Variants in ABHD2 observed in about 807,000 individuals in gnomAD.
The protein encoded by ABHD2 is abhydrolase domain containing 2, acylglycerol lipase.
In ABHD2, 20 loss-of-function variants were observed where a neutral mutation model predicts 48.1. The ratio of observed to expected loss-of-function variants is 0.42; its 90% CI spans 0.29 to 0.60. The LOEUF (loss-of-function observed/expected upper bound fraction) is 0.60. Ranked by LOEUF, ABHD2 falls within the 20% of genes least tolerant of loss-of-function variation. The pLI is 0.24. For missense variants in ABHD2, 405 were observed against 550.9 expected (o/e 0.74, Z 2.65); for synonymous variants, 209 against 214.2 (o/e 0.98, Z 0.21).
the ABHD2 span, among the ~76,000 whole-genome samples, chr15:89,043,617 G>T: frequency 1.6e-3 from 216 of 138,608 alleles, 1 homozygote; most frequent in African/African-American, 5.6e-3. Context: ...GAGGAGACGA[G>T]GAGGCGGAAG....
chr15:89,047,458 C>A, the ABHD2 span, among the ~76,000 whole-genome samples: 1 of 151,338 alleles, frequency 6.6e-6, no homozygotes, highest in Non-Finnish European at 1.5e-5. Flanking sequence ...TCCTTGTTGA[C>A]TTTCTGTCTC....
At chr15:89,125,530 C>G (rs1298955279) in intron 3 of ABHD2, among the ~76,000 whole-genome samples, 1 of 152,082 alleles carries the variant, frequency 6.6e-6, no homozygotes, top group Non-Finnish European at 1.5e-5. Context: ...GTGAAATAGC[C>G]CAAACCAAAA....
intron 3 of ABHD2, among the ~76,000 whole-genome samples, chr15:89,140,557 A>C (rs2050385951): frequency 6.6e-6 from 1 of 152,158 alleles, no homozygotes. Flanking sequence ...ATGCAAATTC[A>C]ACTCTACAGA....
chr15:89,155,144 G>A lies in ABHD2; in HGVS notation c.371-223G>A, dbSNP rs2050651189. 6.6e-6 allele frequency among the ~76,000 whole-genome samples: 1 copy of A among 152,080 alleles called. No homozygotes were observed. Among genetic ancestry groups the A allele is most frequent in the South Asian group, 2.1e-4 (1 of 4,824 alleles). On this transcript the variant is annotated intron_variant, in intron 4 of 10. Transcript: ENST00000352732. This position sits in a 1 kb window ranked among gnomAD's most constrained non-coding sequence, Gnocchi z 4.9. ...TGTCTTTTCAAAAGTATCTGTTCAT[G>A]ACTTACTGGACATTTTCAAAACAAA...
intron 3 of ABHD2, among the ~76,000 whole-genome samples, chr15:89,139,626 C>G (rs1395273095): frequency 1.3e-5 from 2 of 152,140 alleles, no homozygotes; most frequent in Non-Finnish European, 2.9e-5. Context: ...GCCCCAGGTG[C>G]CAGCAGCACA....
the ABHD2 span, among the ~76,000 whole-genome samples, chr15:89,073,717 A>T: frequency 6.6e-6 from 1 of 152,208 alleles, no homozygotes; most frequent in Non-Finnish European, 1.5e-5. Flanking sequence ...CTGATTCAGC[A>T]GGTCTTGGGG....
chr15:89,161,862 A>G (rs951829721), intron 5 of ABHD2, among the ~76,000 whole-genome samples: 5 of 152,212 alleles, frequency 3.3e-5, no homozygotes, highest in Admixed American at 1.3e-4. Context: ...TACAAGAGCA[A>G]TTTATTTTCT....
chr15:89,155,479 C>T lies in ABHD2; in HGVS notation c.483C>T (p.Asn161=), dbSNP rs1288709254. 6.2e-7 allele frequency: 1 copy of T among 1,614,190 alleles called. No individual in the cohort carries two copies. Among genetic ancestry groups the T allele is most frequent in the Non-Finnish European group, 8.5e-7 (1 of 1,180,016 alleles). ...QKNGYRCAVL[N]HLGALPNIEL... ...ATGGCTATCGGTGCGCCGTGCTGAA[C>T]CACCTGGGTGCCCTGCCCAACATTG... The change falls in exon 5 of 11, where the codon AAC becomes AAT. Residue 161 remains asparagine, a synonymous_variant. Transcript: ENST00000352732. This position sits in a 1 kb window ranked among gnomAD's most constrained non-coding sequence, Gnocchi z 4.9.
At chr15:89,076,875 A>G in the ABHD2 span, among the ~76,000 whole-genome samples, 453 of 152,328 alleles carry the variant, frequency 3.0e-3, 4 homozygotes, top group African/African-American at 0.01. Flanking sequence ...TAATTTTATA[A>G]GGTCCCCTTC....
intron 3 of ABHD2, among the ~76,000 whole-genome samples, chr15:89,119,566 G>C (rs943140755): frequency 1.3e-5 from 2 of 152,132 alleles, no homozygotes; most frequent in Non-Finnish European, 2.9e-5. Flanking sequence ...TCATTTTAGG[G>C]ATGAGGAAAC....
At chr15:89,119,658 CA>C (rs1374699260) in intron 3 of ABHD2, among the ~76,000 whole-genome samples, 13 of 152,112 alleles carry the variant, frequency 8.5e-5, no homozygotes, top group Non-Finnish European at 1.8e-4. Flanking sequence ...GGGAAGTGAA[CA>C]GGGACTTTTC....
At chr15:89,165,912 G>C (rs867453251) in intron 5 of ABHD2, among the ~76,000 whole-genome samples, 13 of 152,212 alleles carry the variant, frequency 8.5e-5, no homozygotes, top group African/African-American at 2.2e-4. Context: ...TTGGCCGAGT[G>C]CCTTATCCCA....
chr15:89,129,505 C>T (rs914825321), intron 3 of ABHD2, among the ~76,000 whole-genome samples: 15 of 152,232 alleles, frequency 9.9e-5, no homozygotes, highest in African/African-American at 3.4e-4. Context: ...AGGAAACAAA[C>T]ACCAGAGAAG....
the ABHD2 span, among the ~76,000 whole-genome samples, chr15:89,050,619 A>G: frequency 6.6e-6 from 1 of 152,162 alleles, no homozygotes; most frequent in Non-Finnish European, 1.5e-5. Context: ...TGTTGGAGCA[A>G]GGGAGCCCAC....
At chr15:89,123,657 G>C (rs1306451299) in intron 3 of ABHD2, among the ~76,000 whole-genome samples, 1 of 136,778 alleles carries the variant, frequency 7.3e-6, no homozygotes, top group Non-Finnish European at 1.5e-5. Context: ...GAGTACAATG[G>C]CACAATCATG....
chr15:89,118,609 C>T (rs1366573282), intron 3 of ABHD2, among the ~76,000 whole-genome samples: 6 of 152,106 alleles, frequency 3.9e-5, no homozygotes, highest in Admixed American at 2.0e-4. Context: ...CTCTTGAAAA[C>T]CAAAGTATTT....
intron 3 of ABHD2, among the ~76,000 whole-genome samples, chr15:89,117,511 C>T (rs554942235): frequency 2.1e-4 from 32 of 152,372 alleles, no homozygotes; most frequent in African/African-American, 6.7e-4. Context: ...GGCCAAGCCT[C>T]GTGCACAGTG....
Position 89,185,312 on chromosome 15 carries a change from T to G in ABHD2, c.723-112T>G. ...CTGTTTTAATGCAGAGGCCACAGCC[T>G]GAGAGCCGGCCCTCTCCACACAAGC... On this transcript the variant is annotated intron_variant, in intron 6 of 10. Coordinates refer to ENST00000352732, the MANE Select transcript of ABHD2 (RefSeq NM_152924.5). This position sits in a 1 kb window ranked among gnomAD's most constrained non-coding sequence, Gnocchi z 5.9. The G allele has an allele frequency of 2.7e-6, 2 of 737,362 alleles. No individual in the cohort carries two copies. Among genetic ancestry groups the G allele is most frequent in the Non-Finnish European group, 4.6e-6 (2 of 433,850 alleles). The allele number at this position is 737,362 out of a possible 1,614,324, so 45.7% of individuals were successfully genotyped here.
chr15:89,139,358 G>T (rs2050366911), intron 3 of ABHD2, among the ~76,000 whole-genome samples: 2 of 152,080 alleles, frequency 1.3e-5, no homozygotes, highest in Non-Finnish European at 2.9e-5. Context: ...CCTCATGATT[G>T]TCTCCCCATA....
Sources: allele counts gnomAD v4.1 joint callset (sites outside exome capture counted in the v4.1 genomes callset), GRCh38; gene constraint gnomAD v4.1.1; non-coding constraint Gnocchi (gnomAD v3.1); transcripts MANE v1.5; gene names NCBI Gene and HGNC (gene_info 2026-07-23, HGNC 2026-07-21).